CLIC6: variants seen among roughly 807,000 people sequenced by gnomAD.
The protein encoded by CLIC6 is CLIC family member 6, also known as chloride intracellular channel protein 6.
A neutral mutation model predicts 49.2 loss-of-function variants in CLIC6; 39 were observed. The ratio of observed to expected loss-of-function variants is 0.79; its 90% confidence interval spans 0.61 to 1.04. The LOEUF (loss-of-function observed/expected upper bound fraction) is 1.04. Among genes scored for constraint, CLIC6 ranks in the 50% least tolerant of loss-of-function variants. The probability of loss-of-function intolerance (pLI) is 0.00; values close to 1 mark genes in which losing one functional copy is unlikely to be tolerated. For synonymous variants in CLIC6, 446 were observed against 433.4 expected (o/e 1.03, Z -0.36); for missense variants, 988 against 993.1 (o/e 0.99, Z 0.07).
chr21:34,677,009 G>C (rs10483022), intron 1 of CLIC6, among the ~76,000 whole-genome samples: 2,356 of 151,900 alleles, frequency 0.016, 67 homozygotes, highest in African/African-American at 0.054. Flanking sequence ...ACAATATAGA[G>C]AGTTTCCAAA....
At position 34,669,581 on chromosome 21, in the gene CLIC6, C is replaced by A. The variant is rs1415610917; in HGVS notation, c.193C>A (p.Pro65Thr). Reference protein sequence around the residue: ...AAVKEAGGGGPDRGPEAEARG... With the variant: ...AAVKEAGGGGTDRGPEAEARG... ...TGTGAAGGAGGCAGGAGGCGGCGGG[C>A]CAGACAGGGGCCCGGAGGCCGAGGC... The change falls in exon 1 of 6, where the codon CCA becomes ACA. Residue 65 changes from proline (P) to threonine (T), a missense_variant. By Grantham distance (38) the Pro-to-Thr change is conservative (BLOSUM62 -1). Around this residue, in one of 3 missense-constraint regions of CLIC6, gnomAD observed 284 missense variants for 278.6 expected, o/e 1.02. Transcript: ENST00000349499. 3 of 1,261,460 alleles carry A rather than the reference C, an allele frequency of 2.4e-6. 1 individual carries two copies. The highest frequency in any genetic ancestry group is 2.0e-6 in the Non-Finnish European group (2 of 1,006,568). 78.1% of individuals were successfully genotyped at this position (1,261,460 alleles called of 1,614,324 possible). A position where few individuals can be genotyped will look rare whatever the true frequency, so the allele number is the denominator to read the frequency against.
intron 5 of CLIC6, among the ~76,000 whole-genome samples, chr21:34,712,861 C>T (rs1338509964): frequency 6.6e-6 from 1 of 151,958 alleles, no homozygotes; most frequent in African/African-American, 2.4e-5. Flanking sequence ...TAACCCTAAC[C>T]CTAACCCTAA....
intron 1 of CLIC6, among the ~76,000 whole-genome samples, chr21:34,674,253 T>G (rs2145796162): frequency 6.6e-6 from 1 of 152,156 alleles, no homozygotes; most frequent in African/African-American, 2.4e-5. Flanking sequence ...ACCCAGCTAG[T>G]TTTTTCAAAA....
Position 34,689,550 on chromosome 21 carries a change from AGGTG to A in CLIC6, c.1375-17729_1375-17726del, listed in dbSNP as rs1989949832. Among the ~76,000 whole-genome samples the A allele has an allele frequency of 2.0e-5, 3 of 151,624 alleles. No individual in the cohort carries two copies. The South Asian group carries it at 6.2e-4, about 31-fold the overall frequency. ...TTGCAAGTCCACTTTCTTATATAGA[AGGTG>A]CTCTAACAAGTGTCTCGTTTGGTGA... On this transcript the variant is annotated intron_variant, in intron 1 of 5. Coordinates refer to ENST00000349499, the MANE Select transcript of CLIC6 (RefSeq NM_053277.3).
chr21:34,701,887 A>G (rs535310379), intron 1 of CLIC6, among the ~76,000 whole-genome samples: 7 of 152,162 alleles, frequency 4.6e-5, no homozygotes, highest in African/African-American at 1.7e-4. Context: ...AGCCTGGCGG[A>G]CTTGCTGCGG....
At chr21:34,671,121 TAAAAAAA>T (rs58413747) in intron 1 of CLIC6, among the ~76,000 whole-genome samples, 136 of 115,980 alleles carry the variant, frequency 1.2e-3, no homozygotes, top group East Asian at 1.9e-3. Flanking sequence ...ACTAAAAAGT[TAAAAAAA>T]AAAAAAAAAA....
At chr21:34,700,181 G>A (rs145054358) in intron 1 of CLIC6, among the ~76,000 whole-genome samples, 23 of 152,218 alleles carry the variant, frequency 1.5e-4, no homozygotes, top group African/African-American at 5.3e-4. Flanking sequence ...GATTTTATAG[G>A]CTGCTTTTTG....
intron 1 of CLIC6, among the ~76,000 whole-genome samples, chr21:34,685,096 G>T (rs1989851475): frequency 6.6e-6 from 1 of 152,130 alleles, no homozygotes; most frequent in Non-Finnish European, 1.5e-5. Context: ...AAGGCTTTAT[G>T]CTTTTATTTT....
intron 1 of CLIC6, among the ~76,000 whole-genome samples, chr21:34,676,921 GT>G (rs796933884): frequency 0.029 from 4,227 of 145,790 alleles, 200 homozygotes; most frequent in African/African-American, 0.097. Context: ...CATTAATTTT[GT>G]TTTTTTTTTT....
chr21:34,701,308 C>CAAAAAAA (rs763844976), intron 1 of CLIC6, among the ~76,000 whole-genome samples: 14 of 49,578 alleles, frequency 2.8e-4, no homozygotes, highest in African/African-American at 3.9e-4. Flanking sequence ...GGCTCCGTCT[C>CAAAAAAA]AAAAAAAAAA....
At chr21:34,705,605 G>C (rs1057260068) in intron 1 of CLIC6, among the ~76,000 whole-genome samples, 6 of 152,178 alleles carry the variant, frequency 3.9e-5, no homozygotes, top group African/African-American at 1.4e-4. Flanking sequence ...GGGGAGAGTG[G>C]GAGAGGATGT....
intron 1 of CLIC6, among the ~76,000 whole-genome samples, chr21:34,680,689 A>C (rs192629691): frequency 6.6e-6 from 1 of 152,322 alleles, no homozygotes; most frequent in Admixed American, 6.5e-5. Flanking sequence ...CAGGGGCAAA[A>C]TGCTGCCAGT....
At position 34,672,232 on chromosome 21, in the gene CLIC6, T is replaced by C. The variant is rs542514074; in HGVS notation, c.1374+1470T>C. The stretch of plus-strand genomic sequence containing the variant: ...CTTTGTGTAAAATTCTTCAGTTGTT[T>C]ATTGCAGAATTTCAGGTAAATCCCC... On this transcript the variant is annotated intron_variant, in intron 1 of 5. Coordinates refer to ENST00000349499, the MANE Select transcript of CLIC6 (RefSeq NM_053277.3). Among the ~76,000 whole-genome samples the C allele has an allele frequency of 1.4e-4, 21 of 152,352 alleles. 1 individual carries two copies. In the South Asian group the frequency reaches 4.3e-3, roughly 32 times the overall value.
At chr21:34,693,939 G>A (rs909124287) in intron 1 of CLIC6, among the ~76,000 whole-genome samples, 1 of 151,134 alleles carries the variant, frequency 6.6e-6, no homozygotes, top group South Asian at 2.1e-4. Context: ...GAGTTCTTAT[G>A]AGATCTGTTG....
At chr21:34,702,989 CT>C (rs2055990344) in intron 1 of CLIC6, among the ~76,000 whole-genome samples, 1 of 152,114 alleles carries the variant, frequency 6.6e-6, no homozygotes, top group Non-Finnish European at 1.5e-5. Flanking sequence ...TGAAGTCCCC[CT>C]GGCACGCTGG....
intron 1 of CLIC6, among the ~76,000 whole-genome samples, chr21:34,697,619 G>A (rs1180095840): frequency 6.6e-6 from 1 of 152,174 alleles, no homozygotes; most frequent in East Asian, 1.9e-4. Context: ...CTTTTATCTG[G>A]GCAGACAATA....
chr21:34,682,880 C>T (rs538066342), intron 1 of CLIC6, among the ~76,000 whole-genome samples: 18 of 122,288 alleles, frequency 1.5e-4, no homozygotes, highest in South Asian at 2.9e-4. Flanking sequence ...GGCGCGATCT[C>T]GGCTCACTGC....
rs1282642473 is a variant in CLIC6, at chr21:34,669,522, AGGGCGCAGAGGAGGCGCCGAG to A, written c.141_161del (p.Glu48_Ala54del). Reference sequence around the variant, plus strand: ...GAGGCAGAAGGGCCGGAGGGGAGCGAGGGCGCAGAGGAGGCGCCGAGGGGCGCCGCCGCTGTGAAGGAGGCA... The same window carrying A: ...GAGGCAGAAGGGCCGGAGGGGAGCGAGGGCGCCGCCGCTGTGAAGGAGGCA... On this transcript the variant is annotated inframe_deletion, in exon 1 of 6. Transcript: ENST00000349499. 1.5e-5 allele frequency: 18 copies of A among 1,238,830 alleles called. No individual in the cohort carries two copies. The highest frequency in any genetic ancestry group is 1.6e-5 in the Non-Finnish European group (16 of 992,934). The allele number at this position is 1,238,830 out of a possible 1,614,324, so 76.7% of individuals were successfully genotyped here. A position where few individuals can be genotyped will look rare whatever the true frequency, so the allele number is the denominator to read the frequency against.
intron 5 of CLIC6, among the ~76,000 whole-genome samples, chr21:34,710,467 G>A (rs185489132): frequency 2.0e-5 from 3 of 152,160 alleles, no homozygotes; most frequent in African/African-American, 4.8e-5. Context: ...TGCCAGACCC[G>A]TGGTTCTCCA....
Sources: gnomAD v4.1 joint callset for allele counts (sites outside exome capture counted in the v4.1 genomes callset) on GRCh38, gnomAD v4.1.1 for gene constraint, gnomAD v4.1.1 regional missense constraint, MANE v1.5 for transcripts, NCBI Gene and HGNC (gene_info 2026-07-23, HGNC 2026-07-21) for gene names.